COL8A1: variants seen among roughly 807,000 people sequenced by gnomAD.
The protein encoded by COL8A1 is collagen alpha-1(VIII) chain.
In COL8A1, 21 loss-of-function variants were observed where a neutral mutation model predicts 42.7. That is an observed-to-expected ratio of 0.49 (90% confidence interval 0.35 to 0.71). The LOEUF (loss-of-function observed/expected upper bound fraction) is 0.71, where lower values mean the gene tolerates loss of function less well. Ranked by LOEUF, COL8A1 falls within the 30% of genes least tolerant of loss-of-function variation. The probability of loss-of-function intolerance (pLI) is 0.01; values close to 1 mark genes in which losing one functional copy is unlikely to be tolerated. For synonymous variants in COL8A1, 367 were observed against 369.1 expected (o/e 0.99, Z 0.06); for missense variants, 788 against 962.4 (o/e 0.82, Z 2.40).
At chr3:99,773,817 A>ATATATATATATATATATATAT (rs1559632654) in intron 2 of COL8A1, among the ~76,000 whole-genome samples, 26 of 49,694 alleles carry the variant, frequency 5.2e-4, no homozygotes, top group Non-Finnish European at 8.3e-4. Context: ...ATATGTGTGT[A>ATATATATATATATATATATAT]TATATATATA....
chr3:99,741,046 G>A (rs1421598034), intron 1 of COL8A1, among the ~76,000 whole-genome samples: 1 of 151,990 alleles, frequency 6.6e-6, no homozygotes, highest in African/African-American at 2.4e-5. Context: ...GGTATATAAT[G>A]TCAATTTATT....
intron 1 of COL8A1, among the ~76,000 whole-genome samples, chr3:99,673,552 T>A (rs138464369): frequency 6.6e-6 from 1 of 152,138 alleles, no homozygotes; most frequent in Admixed American, 6.6e-5. Flanking sequence ...TAAACAGTAT[T>A]AGTCTTTACA....
chr3:99,697,457 G>A (rs1939412525), intron 1 of COL8A1, among the ~76,000 whole-genome samples: 1 of 152,108 alleles, frequency 6.6e-6, no homozygotes, highest in South Asian at 2.1e-4. Flanking sequence ...GTCAGATTAG[G>A]AAGTTAAAAG....
chr3:99,667,157 C>G (rs1296522894), intron 1 of COL8A1, among the ~76,000 whole-genome samples: 1 of 152,116 alleles, frequency 6.6e-6, no homozygotes, highest in Non-Finnish European at 1.5e-5. Flanking sequence ...GTTCCAAACC[C>G]TAGTTCTTAA....
chr3:99,795,982 A>C lies in COL8A1; in HGVS notation c.2081A>C (p.Lys694Thr), dbSNP rs752303108. ...ATGTACACGTACGACGAGTACAAAAAGGGCTTCCTGGACCAGGCATCTGGG... is the reference window on the plus strand; with the variant it reads ...ATGTACACGTACGACGAGTACAAAACGGGCTTCCTGGACCAGGCATCTGGG... ...PVMYTYDEYK[K>T]GFLDQASGSA... is the part of the protein sequence containing the mutation. The change falls in exon 4 of 4, where the codon AAG (lysine) becomes ACG (threonine). Residue 694 changes from lysine (K) to threonine (T), a missense_variant. By Grantham distance (78) the Lys-to-Thr change is moderately conservative. This residue lies in a region of COL8A1 where 212 missense variants were observed against 210.9 expected (regional missense o/e 1.00). Coordinates refer to ENST00000652472, the MANE Select transcript of COL8A1 (RefSeq NM_020351.4). 6.2e-6 allele frequency: 10 copies of C among 1,614,040 alleles called. No individual in the cohort carries two copies. The highest frequency in any genetic ancestry group is 8.5e-6 in the Non-Finnish European group (10 of 1,179,952).
At chr3:99,777,084 C>T (rs1271061345) in intron 2 of COL8A1, among the ~76,000 whole-genome samples, 4 of 152,164 alleles carry the variant, frequency 2.6e-5, no homozygotes, top group African/African-American at 9.7e-5. Context: ...GTGCCGGTCT[C>T]CTATCTCATC....
At chr3:99,773,819 A>ATATATATATATATATAT (rs1553682074) in intron 2 of COL8A1, among the ~76,000 whole-genome samples, 11 of 56,392 alleles carry the variant, frequency 2.0e-4, no homozygotes, top group African/African-American at 8.3e-4. Context: ...ATGTGTGTAT[A>ATATATATATATATATAT]TATATATATA....
In COL8A1 at chr3:99,661,100, A is replaced by G. The variant is rs188371775; in HGVS notation, c.-129+22436A>G. Among the ~76,000 whole-genome samples, 36 of 152,336 alleles carry G rather than the reference A, an allele frequency of 2.4e-4. 1 individual carries two copies. Among genetic ancestry groups the G allele is most frequent in the Admixed American group, 1.2e-3 (18 of 15,300 alleles). On this transcript the variant is annotated intron_variant, in intron 1 of 3. Transcript: ENST00000652472. ...GTAAGATAAACGTGCAAAGATGAAT[A>G]TGTATGTCTTAGGATATAAAAATAA...
intron 1 of COL8A1, among the ~76,000 whole-genome samples, chr3:99,733,976 G>A (rs1276016094): frequency 2.1e-4 from 32 of 152,020 alleles, no homozygotes; most frequent in East Asian, 5.8e-4. Flanking sequence ...CATGTCCTTC[G>A]CCCACTTTTT....
chr3:99,774,597 C>G (rs1941655817), intron 2 of COL8A1, among the ~76,000 whole-genome samples: 1 of 152,088 alleles, frequency 6.6e-6, no homozygotes, highest in Non-Finnish European at 1.5e-5. Flanking sequence ...TACCCAAGCC[C>G]AACATGTGTG....
At chr3:99,756,645 G>A (rs1228352123) in intron 2 of COL8A1, among the ~76,000 whole-genome samples, 1 of 152,216 alleles carries the variant, frequency 6.6e-6, no homozygotes, top group African/African-American at 2.4e-5. Flanking sequence ...GGGAAGAAAT[G>A]TGCTTGGTCT....
chr3:99,675,911 T>C (rs1938678703), intron 1 of COL8A1, among the ~76,000 whole-genome samples: 1 of 152,018 alleles, frequency 6.6e-6, no homozygotes, highest in African/African-American at 2.4e-5. Flanking sequence ...TTATTTCATC[T>C]CTTCAATGAC....
At chr3:99,657,092 A>T (rs1330839425) in intron 1 of COL8A1, among the ~76,000 whole-genome samples, 1 of 152,236 alleles carries the variant, frequency 6.6e-6, no homozygotes, top group Admixed American at 6.5e-5. Flanking sequence ...AAAATGGTAT[A>T]GCTTTGTACC....
intron 1 of COL8A1, among the ~76,000 whole-genome samples, chr3:99,672,915 G>A (rs529456021): frequency 3.3e-5 from 5 of 151,912 alleles, no homozygotes; most frequent in African/African-American, 4.8e-5. Flanking sequence ...ACTTGTGTTC[G>A]TGCACTGCTT....
intron 1 of COL8A1, among the ~76,000 whole-genome samples, chr3:99,681,719 G>A (rs780677992): frequency 6.6e-6 from 1 of 152,148 alleles, no homozygotes; most frequent in Non-Finnish European, 1.5e-5. Context: ...AAGTCACTAA[G>A]GGAGATTTTC....
At chr3:99,639,966 A>G (rs1642511780) in intron 1 of COL8A1, among the ~76,000 whole-genome samples, 1 of 152,212 alleles carries the variant, frequency 6.6e-6, no homozygotes, top group African/African-American at 2.4e-5. Flanking sequence ...GCTGTATGAA[A>G]TTCTCCCCTA....
intron 1 of COL8A1, among the ~76,000 whole-genome samples, chr3:99,712,063 T>A (rs534067958): frequency 6.6e-6 from 1 of 152,120 alleles, no homozygotes; most frequent in Non-Finnish European, 1.5e-5. Context: ...ACAGAAAACC[T>A]GTAGTTCTTG....
intron 1 of COL8A1, among the ~76,000 whole-genome samples, chr3:99,706,305 T>C (rs183940070): frequency 4.6e-5 from 7 of 152,292 alleles, no homozygotes; most frequent in East Asian, 1.9e-4. Context: ...CCTAACATAA[T>C]CTTATTTTTA....
intron 2 of COL8A1, among the ~76,000 whole-genome samples, chr3:99,787,870 A>ACACC (rs1553682947): frequency 6.6e-6 from 1 of 151,202 alleles, no homozygotes; most frequent in Non-Finnish European, 1.5e-5. Flanking sequence ...ACACACACAC[A>ACACC]CACACCCACA....
Sources: allele counts gnomAD v4.1 joint callset (sites outside exome capture counted in the v4.1 genomes callset), GRCh38; gene constraint gnomAD v4.1.1; regional missense constraint gnomAD v4.1.1; transcripts MANE v1.5; gene names NCBI Gene and HGNC (gene_info 2026-07-23, HGNC 2026-07-21).